Variants in GOLIM4 observed in about 807,000 individuals in gnomAD.
The protein encoded by GOLIM4 is 130 kDa golgi-localized phosphoprotein.
In GOLIM4, 71 loss-of-function variants were observed where a neutral mutation model predicts 107.4. The observed-to-expected ratio is 0.66, with a 90% confidence interval of 0.55 to 0.81. GOLIM4 has a LOEUF of 0.81. Among genes scored for constraint, GOLIM4 ranks in the 30% least tolerant of loss-of-function variants. The probability of loss-of-function intolerance (pLI) is 0.00; values close to 1 mark genes in which losing one functional copy is unlikely to be tolerated. For missense variants in GOLIM4, 830 were observed against 826.1 expected (o/e 1.00, Z -0.06); for synonymous variants, 327 against 294.8 (o/e 1.11, Z -1.12).
intron 14 of GOLIM4, among the ~76,000 whole-genome samples, chr3:168,021,584 T>C (rs1717685530): frequency 6.6e-6 from 1 of 152,020 alleles, no homozygotes; most frequent in South Asian, 2.1e-4. Flanking sequence ...GAGAATTGCT[T>C]GAACCCGGAA....
intron 8 of GOLIM4, among the ~76,000 whole-genome samples, chr3:168,033,912 T>G (rs935913477): frequency 6.6e-6 from 1 of 152,072 alleles, no homozygotes; most frequent in African/African-American, 2.4e-5. Context: ...ACCTAGAAAG[T>G]GAGGAAGAAA....
At chr3:168,089,863 G>T (rs1380919508) in intron 1 of GOLIM4, among the ~76,000 whole-genome samples, 1 of 151,566 alleles carries the variant, frequency 6.6e-6, no homozygotes, top group African/African-American at 2.4e-5. Context: ...TGTCTCCCAG[G>T]TTCAAGCAAT....
intron 1 of GOLIM4, among the ~76,000 whole-genome samples, chr3:168,060,878 G>C (rs1720230282): frequency 6.6e-6 from 1 of 152,110 alleles, no homozygotes; most frequent in Admixed American, 6.6e-5. Flanking sequence ...TAACAGCAGG[G>C]AAGAATGAAT....
intron 1 of GOLIM4, among the ~76,000 whole-genome samples, chr3:168,083,151 C>A (rs1184948093): frequency 6.6e-6 from 1 of 152,126 alleles, no homozygotes; most frequent in East Asian, 1.9e-4. Flanking sequence ...ATTAATATCA[C>A]AAAAGAATAC....
At chr3:168,032,405 T>G (rs1718379131) in intron 9 of GOLIM4, 115 bp downstream of exon 9, 1 of 772,776 alleles carries the variant, frequency 1.3e-6, no homozygotes. Context: ...ATATAATGTT[T>G]AGTAGAATCA....
intron 9 of GOLIM4, among the ~76,000 whole-genome samples, chr3:168,031,578 A>G (rs942560304): frequency 2.0e-5 from 3 of 152,218 alleles, no homozygotes; most frequent in African/African-American, 7.2e-5. Context: ...GGAAAGAGGT[A>G]GAGGGTTGGG....
chr3:168,087,778 CCTCT>C (rs1318920237), intron 1 of GOLIM4, among the ~76,000 whole-genome samples: 1 of 152,290 alleles, frequency 6.6e-6, no homozygotes, highest in Non-Finnish European at 1.5e-5. Context: ...AGTTAATTAA[CCTCT>C]CTAAGCCTCA....
intron 12 of GOLIM4, among the ~76,000 whole-genome samples, chr3:168,027,514 C>G (rs1484518890): frequency 6.6e-6 from 1 of 150,842 alleles, no homozygotes; most frequent in Non-Finnish European, 1.5e-5. Flanking sequence ...TTTTTTTCCC[C>G]CAGAGCAACT....
chr3:168,051,148 T>A, intron 1 of GOLIM4, among the ~76,000 whole-genome samples: 1 of 152,084 alleles, frequency 6.6e-6, no homozygotes, highest in East Asian at 1.9e-4. Flanking sequence ...ATCAGCATGA[T>A]TTCATCTTCA....
intron 14 of GOLIM4, among the ~76,000 whole-genome samples, chr3:168,015,644 T>C (rs1402074792): frequency 1.5e-5 from 2 of 135,934 alleles, no homozygotes; most frequent in Non-Finnish European, 3.0e-5. Flanking sequence ...CAAACTATAC[T>C]ACAAGGCTAC....
chr3:168,038,352 G>A (rs1397603027), intron 7 of GOLIM4, among the ~76,000 whole-genome samples: 1 of 152,176 alleles, frequency 6.6e-6, no homozygotes, highest in Non-Finnish European at 1.5e-5. Context: ...CAGTAATTGT[G>A]TGTTGCACAA....
chr3:168,035,919 A>T (rs1388382174), intron 8 of GOLIM4, among the ~76,000 whole-genome samples: 7 of 152,016 alleles, frequency 4.6e-5, no homozygotes, highest in African/African-American at 1.7e-4. Context: ...CACTTATGAG[A>T]TATTCTTAAG....
rs1221086296 is a variant in GOLIM4, at chr3:168,095,908, A to C, written c.-623T>G. 1 of 152,218 alleles carries C rather than the reference A, an allele frequency of 6.6e-6. No individual in the cohort carries two copies. Among genetic ancestry groups the C allele is most frequent in the Non-Finnish European group, 1.5e-5 (1 of 68,132 alleles). 9.4% of individuals were successfully genotyped at this position (152,218 alleles called of 1,614,324 possible). On this transcript the variant is annotated 5_prime_UTR_variant, in exon 1 of 16. Transcript: ENST00000470487. ...CCACCTCCTGCCCAACTTACGTGTC[A>C]CCCACGGCCCGGCTATTCTGGCCAA...
chr3:168,050,828 A>G (rs1408184673), intron 1 of GOLIM4, among the ~76,000 whole-genome samples: 1 of 76,314 alleles, frequency 1.3e-5, no homozygotes, highest in African/African-American at 4.2e-5. Context: ...CACCTATAAT[A>G]ATAATAATAA....
chr3:168,090,458 A>T (rs529886335), intron 1 of GOLIM4, among the ~76,000 whole-genome samples: 1 of 152,346 alleles, frequency 6.6e-6, no homozygotes. Context: ...GCAAGTTAAA[A>T]TCACAGTGAG....
At chr3:168,058,871 T>C (rs1283609811) in intron 1 of GOLIM4, among the ~76,000 whole-genome samples, 1 of 152,184 alleles carries the variant, frequency 6.6e-6, no homozygotes, top group East Asian at 1.9e-4. Context: ...AAATTAGATA[T>C]CTATAAATAG....
chr3:168,090,077 T>C (rs998053193), intron 1 of GOLIM4, among the ~76,000 whole-genome samples: 5 of 152,198 alleles, frequency 3.3e-5, no homozygotes, highest in Admixed American at 2.6e-4. Context: ...CAATGTTTCC[T>C]TTCTAAAAGT....
intron 2 of GOLIM4, 72 bp from the exon 3 acceptor site, chr3:168,047,071 G>A: frequency 1.4e-6 from 1 of 717,990 alleles, no homozygotes; most frequent in Non-Finnish European, 2.3e-6. Flanking sequence ...AGAAATAAAG[G>A]CAAACTTCAC....
At chr3:168,071,171 T>C (rs1354810468) in intron 1 of GOLIM4, among the ~76,000 whole-genome samples, 7 of 152,316 alleles carry the variant, frequency 4.6e-5, no homozygotes, top group Non-Finnish European at 8.8e-5. Flanking sequence ...CCTCTTGGCA[T>C]GCATGGAGGA....
Sources: allele counts gnomAD v4.1 joint callset (sites outside exome capture counted in the v4.1 genomes callset), GRCh38; gene constraint gnomAD v4.1.1; transcripts MANE v1.5; gene names NCBI Gene and HGNC (gene_info 2026-07-23, HGNC 2026-07-21).